The following MICAL3 variants were observed in gnomAD, a reference collection of about 807,000 sequenced individuals.
MICAL3 encodes the protein microtubule associated monooxygenase, calponin and LIM domain containing 3, also known as [F-actin]-monooxygenase MICAL3.
In MICAL3, 62 loss-of-function variants were observed where a neutral mutation model predicts 207.4. The ratio of observed to expected loss-of-function variants is 0.30; its 90% confidence interval spans 0.24 to 0.37. The LOEUF is 0.37. Among genes scored for constraint, MICAL3 ranks in the 10% least tolerant of loss-of-function variants. The pLI is 1.00. For missense variants in MICAL3, 2,368 were observed against 2,635.6 expected (o/e 0.90, Z 2.22); for synonymous variants, 1,077 against 1,069.3 (o/e 1.01, Z -0.14).
chr22:17,886,988 CAAAAAAAAAAAA>C (rs55999508), intron 15 of MICAL3, among the ~76,000 whole-genome samples, 170 bp downstream of exon 15: 889 of 41,390 alleles, frequency 0.021, 9 homozygotes, highest in African/African-American at 0.06. Context: ...ACTCTTGTCT[CAAAAAAAAAAAA>C]AAAAAAAAAA....
At chr22:17,859,502 G>A (rs544609586) in intron 19 of MICAL3, among the ~76,000 whole-genome samples, 1 of 152,368 alleles carries the variant, frequency 6.6e-6, no homozygotes, top group African/African-American at 2.4e-5. Context: ...CGGTGTGTGT[G>A]AGAAGGGAAT....
intron 1 of MICAL3, among the ~76,000 whole-genome samples, chr22:18,017,667 C>T (rs1232215626): frequency 6.6e-6 from 1 of 151,648 alleles, no homozygotes; most frequent in Non-Finnish European, 1.5e-5. Context: ...CTCACTGCAA[C>T]CTCTGCCTCC....
At chr22:17,853,693 T>C (rs1925580776) in intron 19 of MICAL3, among the ~76,000 whole-genome samples, 1 of 152,200 alleles carries the variant, frequency 6.6e-6, no homozygotes, top group African/African-American at 2.4e-5. Flanking sequence ...GCATGACAGG[T>C]GGCAGAACTG....
At chr22:17,813,152 A>T (rs546627160) in intron 27 of MICAL3, 1 of 152,348 alleles carries the variant, frequency 6.6e-6, no homozygotes, top group Non-Finnish European at 1.5e-5. Context: ...TACCATCAGT[A>T]AGTGCTGTTC....
At chr22:17,884,962 A>G (rs1929745688) in intron 16 of MICAL3, among the ~76,000 whole-genome samples, 1 of 152,346 alleles carries the variant, frequency 6.6e-6, no homozygotes, top group East Asian at 1.9e-4. Context: ...GAGAGAGAGA[A>G]GAGAAATTCA....
intron 19 of MICAL3, among the ~76,000 whole-genome samples, chr22:17,856,723 G>A (rs1380478973): frequency 7.0e-6 from 1 of 142,806 alleles, no homozygotes; most frequent in Non-Finnish European, 1.5e-5. Context: ...CCAGGTTCAC[G>A]CCATTCTCCT....
At chr22:17,877,027 TGGAGGTTAG>T (rs1569109712) in intron 16 of MICAL3, among the ~76,000 whole-genome samples, 21 of 12,268 alleles carry the variant, frequency 1.7e-3, no homozygotes, top group South Asian at 4.5e-3. Flanking sequence ...ATGGAGGTTA[TGGAGGTTAG>T]GGAGGTTATG....
chr22:17,864,921 G>C lies in MICAL3; in HGVS notation c.2583C>G (p.Ala861=), dbSNP rs61745410. The change falls in exon 19 of 32, where the codon GCC becomes GCG. Residue 861 remains alanine (A), a synonymous_variant. Transcript: ENST00000441493. ...TACCTGGGGTTCTCTCAGTGGAGCT[G>C]GCCACGGCGTTGGCCCGTCCGTTTG... ...TDANGRANAV[A]SSTERTPGSG... 2,832 of 1,613,798 alleles carry C rather than the reference G, an allele frequency of 1.8e-3. 53 individuals carry two copies. The African/African-American group carries it at 0.034, about 20-fold the overall frequency.
At chr22:17,959,247 C>A (rs1370912941) in intron 1 of MICAL3, among the ~76,000 whole-genome samples, 1 of 151,294 alleles carries the variant, frequency 6.6e-6, no homozygotes, top group Admixed American at 6.6e-5. Context: ...GATCTCCTGA[C>A]CTTGTGATCC....
chr22:17,844,607 C>A (rs5992876), intron 19 of MICAL3, among the ~76,000 whole-genome samples: 1 of 152,170 alleles, frequency 6.6e-6, no homozygotes, highest in Non-Finnish European at 1.5e-5. Flanking sequence ...GGCGTATTCA[C>A]ATACAAATTC....
chr22:17,981,935 T>C (rs1935925476), intron 1 of MICAL3, among the ~76,000 whole-genome samples: 1 of 151,976 alleles, frequency 6.6e-6, no homozygotes, highest in South Asian at 2.1e-4. Flanking sequence ...AGACCTTGCC[T>C]CTACAAAAAA....
At chr22:17,815,860 G>T (rs5992853) in intron 27 of MICAL3, among the ~76,000 whole-genome samples, 1,910 of 152,352 alleles carry the variant, frequency 0.013, 43 homozygotes, top group African/African-American at 0.042. Context: ...ACCAAGGCCC[G>T]CCCTGACTGG....
chr22:17,877,364 G>A (rs1276869173), intron 16 of MICAL3, among the ~76,000 whole-genome samples: 28 of 111,700 alleles, frequency 2.5e-4, no homozygotes, highest in Non-Finnish European at 3.1e-4. Context: ...AGGTTATGGA[G>A]GTTAGGGAGG....
chr22:17,878,377 G>C (rs567472793), intron 16 of MICAL3, among the ~76,000 whole-genome samples: 2 of 152,152 alleles, frequency 1.3e-5, no homozygotes, highest in East Asian at 1.9e-4. Context: ...CCATGGAAAG[G>C]GGGTGGGAAA....
chr22:18,003,504 G>A (rs185104797), intron 1 of MICAL3, among the ~76,000 whole-genome samples: 48 of 152,232 alleles, frequency 3.2e-4, no homozygotes, highest in African/African-American at 1.1e-3. Flanking sequence ...GAAAGTGCTC[G>A]TCCCTAACTC....
Position 17,884,490 on chromosome 22 carries a change from G to C in MICAL3, c.2241+1388C>G, listed in dbSNP as rs1227444904. ...CCATATCTGTGAACTGTGGGGAAGA[G>C]GGGGACTCATTCTTAGAAAGTTACA... is the stretch of plus-strand genomic sequence containing the variant. On this transcript the variant is annotated intron_variant, in intron 16 of 31. Coordinates refer to ENST00000441493, the MANE Select transcript of MICAL3 (RefSeq NM_015241.3). The C allele has an allele frequency of 6.2e-6, 4 of 643,316 alleles. No homozygotes were observed. The South Asian group carries it at 8.6e-5, about 14-fold the overall frequency. The allele number at this position is 643,316 out of a possible 1,614,324, so 39.9% of individuals were successfully genotyped here. A position where few individuals can be genotyped will look rare whatever the true frequency, so the allele number is the denominator to read the frequency against.
rs1207553865 is a variant in MICAL3, at chr22:17,801,191, C to T, written c.5650+7653G>A. Among the ~76,000 whole-genome samples the T allele has an allele frequency of 4.1e-5, 4 of 97,276 alleles. 2 individuals carry two copies. Among genetic ancestry groups the T allele is most frequent in the African/African-American group, 2.6e-4 (4 of 15,294 alleles). The allele number at this position is 97,276 out of a possible 152,430, so 63.8% of individuals were successfully genotyped here. A position where few individuals can be genotyped will look rare whatever the true frequency, so the allele number is the denominator to read the frequency against. ...TTTTTGAGACGGAGTCTCGCTCTGT[C>T]GCCCAGGCTGGAGTGCAGTGGCGGG... On this transcript the variant is annotated intron_variant, in intron 29 of 31. Transcript: ENST00000441493.
At chr22:17,810,274 A>C (rs1466854338) in intron 28 of MICAL3, among the ~76,000 whole-genome samples, 1 of 151,992 alleles carries the variant, frequency 6.6e-6, no homozygotes, top group Admixed American at 6.6e-5. Flanking sequence ...CGTGTTAGCC[A>C]GGATGGTCTC....
intron 17 of MICAL3, among the ~76,000 whole-genome samples, chr22:17,871,608 T>G (rs1041041307): frequency 6.6e-6 from 1 of 152,162 alleles, no homozygotes; most frequent in African/African-American, 2.4e-5. Context: ...GGAAATGACT[T>G]AGGTAAATGC....
Sources: gnomAD v4.1 joint callset for allele counts (sites outside exome capture counted in the v4.1 genomes callset) on GRCh38, gnomAD v4.1.1 for gene constraint, MANE v1.5 for transcripts, NCBI Gene and HGNC (gene_info 2026-07-23, HGNC 2026-07-21) for gene names.